The following NFIB variants were observed in gnomAD, a reference collection of about 807,000 sequenced individuals.
NFIB encodes the protein nuclear factor I B.
Under a neutral mutation model 61.5 loss-of-function variants are expected in NFIB, and 11 were observed. The observed-to-expected ratio is 0.18, with a 90% CI of 0.11 to 0.30. The LOEUF is 0.30. NFIB is among the 10% of genes least tolerant of loss of function. The pLI, the probability that NFIB is intolerant of heterozygous loss-of-function variation, is 1.00. For missense variants in NFIB, 471 were observed against 608.9 expected (o/e 0.77, Z 2.38); for synonymous variants, 260 against 216.5 (o/e 1.20, Z -1.76).
chr9:14,379,216 A>AC (rs2061455435), intron 1 of NFIB, among the ~76,000 whole-genome samples: 1 of 152,216 alleles, frequency 6.6e-6, no homozygotes, highest in African/African-American at 2.4e-5. Context: ...ACAATGAATG[A>AC]CAATTGTTTG....
At chr9:14,140,920 C>G (rs10810095) in intron 6 of NFIB, among the ~76,000 whole-genome samples, 80,603 of 151,982 alleles carry the variant, frequency 0.53, 25,138 homozygotes, top group African/African-American at 0.86. Context: ...GGGCAACAGA[C>G]AGAGAAAAAA....
At chr9:14,530,810 A>G in the NFIB span, among the ~76,000 whole-genome samples, 21 of 152,144 alleles carry the variant, frequency 1.4e-4, no homozygotes, top group Admixed American at 1.4e-3. Context: ...CCACTGTACT[A>G]ATTGTGAGAA....
At chr9:14,114,321 A>C (rs948796310) in intron 9 of NFIB, among the ~76,000 whole-genome samples, 3 of 152,196 alleles carry the variant, frequency 2.0e-5, no homozygotes. Context: ...CACCTCACAG[A>C]CAGCCGGAGA....
At chr9:14,343,194 G>C (rs1210660699) in intron 1 of NFIB, among the ~76,000 whole-genome samples, 2 of 152,268 alleles carry the variant, frequency 1.3e-5, no homozygotes, top group East Asian at 3.9e-4. Flanking sequence ...AATTTCCCCT[G>C]TTACTGTAAG....
At chr9:14,102,563 T>C in intron 10 of NFIB, 1 of 1,465,230 alleles carries the variant, frequency 6.8e-7, no homozygotes, top group Non-Finnish European at 9.3e-7. Context: ...CTACAGTTTT[T>C]AGTATTTAAA....
intron 2 of NFIB, among the ~76,000 whole-genome samples, chr9:14,287,925 T>A (rs754480820): frequency 6.6e-5 from 10 of 152,082 alleles, no homozygotes; most frequent in Non-Finnish European, 1.0e-4. Context: ...CAATAAAACA[T>A]ACCTCATCAA....
intron 2 of NFIB, among the ~76,000 whole-genome samples, chr9:14,224,818 C>T (rs939179663): frequency 2.0e-5 from 3 of 152,198 alleles, no homozygotes; most frequent in African/African-American, 7.2e-5. Flanking sequence ...GTCGTATTTT[C>T]TTTACCTTTA....
intron 3 of NFIB, among the ~76,000 whole-genome samples, chr9:14,175,165 TTC>T (rs1563865434): frequency 8.3e-6 from 1 of 120,008 alleles, no homozygotes; most frequent in Non-Finnish European, 1.8e-5. Flanking sequence ...CTTAAAGAAT[TTC>T]TTTTTTTTTT....
At position 14,288,212 on chromosome 9, in the gene NFIB, C is replaced by G. The variant is rs189663457; in HGVS notation, c.562+18777G>C. Among the ~76,000 whole-genome samples, 534 of 151,922 alleles carry G rather than the reference C, an allele frequency of 3.5e-3. 5 individuals are homozygous for G. Among genetic ancestry groups the G allele is most frequent in the African/African-American group, 0.012 (508 of 41,446 alleles). On this transcript the variant is annotated intron_variant, in intron 2 of 10. Coordinates refer to ENST00000380953, the MANE Select transcript of NFIB (RefSeq NM_001190737.2). ...TTATATAACATAAACAATTGAAATA[C>G]CAGAATTAGTTTTAAAAGATACTTT...
intron 2 of NFIB, among the ~76,000 whole-genome samples, chr9:14,220,641 A>C (rs2051530395): frequency 6.6e-6 from 1 of 151,732 alleles, no homozygotes. Context: ...TATACCCACC[A>C]ATCCCACACT....
At chr9:14,424,704 A>C in the NFIB span, among the ~76,000 whole-genome samples, 1 of 152,204 alleles carries the variant, frequency 6.6e-6, no homozygotes, top group Non-Finnish European at 1.5e-5. Flanking sequence ...TCAGAGGCAG[A>C]GCTCCGAGGG....
At chr9:14,379,598 A>G (rs1022837) in intron 1 of NFIB, among the ~76,000 whole-genome samples, 2 of 151,908 alleles carry the variant, frequency 1.3e-5, no homozygotes, top group Non-Finnish European at 2.9e-5. Context: ...TTGGCTCTGC[A>G]TGAGAGGGTT....
intron 2 of NFIB, among the ~76,000 whole-genome samples, chr9:14,224,470 G>A (rs1303221718): frequency 6.6e-6 from 1 of 152,152 alleles, no homozygotes; most frequent in South Asian, 2.1e-4. Context: ...ACATACACAT[G>A]GGCTCCGCAT....
At chr9:14,218,543 C>A (rs538592582) in intron 2 of NFIB, among the ~76,000 whole-genome samples, 1 of 152,274 alleles carries the variant, frequency 6.6e-6, no homozygotes, top group African/African-American at 2.4e-5. Flanking sequence ...GGGCTTCTAA[C>A]CTCCTGAGAG....
intron 10 of NFIB, among the ~76,000 whole-genome samples, chr9:14,089,365 A>C: frequency 9.9e-6 from 1 of 101,026 alleles, no homozygotes; most frequent in South Asian, 2.9e-4. Context: ...ACAGGCTGTT[A>C]AAAAAAAAAA....
At chr9:14,133,353 G>A (rs2040627117) in intron 6 of NFIB, among the ~76,000 whole-genome samples, 1 of 152,056 alleles carries the variant, frequency 6.6e-6, no homozygotes, top group African/African-American at 2.4e-5. Context: ...AGCTTAACTG[G>A]GATATTTCTG....
intron 1 of NFIB, among the ~76,000 whole-genome samples, chr9:14,370,592 G>C (rs925101001): frequency 1.3e-5 from 2 of 152,122 alleles, no homozygotes; most frequent in African/African-American, 4.8e-5. Context: ...GGCACAACCT[G>C]GTTCCATAAC....
intron 2 of NFIB, among the ~76,000 whole-genome samples, chr9:14,255,533 C>T (rs971245019): frequency 6.6e-6 from 1 of 152,252 alleles, no homozygotes; most frequent in South Asian, 2.1e-4. Context: ...CCAGGGCATA[C>T]TGATGACCAG....
chr9:14,244,402 C>G (rs191392960), intron 2 of NFIB, among the ~76,000 whole-genome samples: 629 of 152,262 alleles, frequency 4.1e-3, no homozygotes, highest in Non-Finnish European at 6.6e-3. Context: ...CATTCTGAAT[C>G]TGCTGATTAA....
Sources: allele counts gnomAD v4.1 joint callset (sites outside exome capture counted in the v4.1 genomes callset), GRCh38; gene constraint gnomAD v4.1.1; transcripts MANE v1.5; gene names NCBI Gene and HGNC (gene_info 2026-07-23, HGNC 2026-07-21).